Variants in MMS22L observed in about 807,000 individuals in gnomAD.
MMS22L encodes MMS22 like, DNA repair protein.
MMS22L carries 74 observed loss-of-function variants against 159.1 expected under a neutral mutation model. The observed-to-expected ratio is 0.47, with a 90% CI of 0.39 to 0.56. MMS22L has a LOEUF of 0.56. Among genes scored for constraint, MMS22L ranks in the 20% least tolerant of loss-of-function variants. The pLI is 0.00. For missense variants in MMS22L, 1,351 were observed against 1,422.1 expected, an observed-to-expected ratio of 0.95 and a Z score of 0.80; for synonymous variants, 517 against 506.9, an observed-to-expected ratio of 1.02 and a Z score of -0.27.
Position 97,153,639 on chromosome 6 carries a change from G to A in MMS22L, c.3386-1772C>T, listed in dbSNP as rs535057038. The stretch of plus-strand genomic sequence containing the variant: ...ACCTGCCTCAGCCTCCCAAATTGCA[G>A]GAATTACAGGCGTAAGCCACCATGC... On this transcript the variant is annotated intron_variant, in intron 22 of 24. Transcript: ENST00000683635. Among the ~76,000 whole-genome samples the A allele has an allele frequency of 7.2e-5, 11 of 152,138 alleles. No individual in the cohort carries two copies. In the South Asian group the frequency reaches 2.3e-3, roughly 32 times the overall value.
intron 14 of MMS22L, among the ~76,000 whole-genome samples, chr6:97,194,633 A>G (rs994131541): frequency 2.0e-5 from 3 of 152,196 alleles, no homozygotes; most frequent in African/African-American, 4.8e-5. Flanking sequence ...CAGTTCATAG[A>G]CTAAGTAACA....
intron 19 of MMS22L, among the ~76,000 whole-genome samples, chr6:97,170,200 A>G (rs1803386646): frequency 6.6e-6 from 1 of 152,170 alleles, no homozygotes; most frequent in African/African-American, 2.4e-5. Flanking sequence ...TGTTGAACAT[A>G]TCCCTCATGA....
intron 9 of MMS22L, chr6:97,259,650 ACTT>A (rs1814229561): frequency 6.6e-6 from 1 of 151,872 alleles, no homozygotes; most frequent in South Asian, 2.1e-4. Context: ...CAGATTCGGG[ACTT>A]CTTGGCCTCC....
At chr6:97,250,497 T>C (rs574866626) in intron 10 of MMS22L, among the ~76,000 whole-genome samples, 1 of 152,318 alleles carries the variant, frequency 6.6e-6, no homozygotes, top group South Asian at 2.1e-4. Flanking sequence ...AATTTTCCTC[T>C]TTAAACTGTA....
Position 97,224,333 on chromosome 6 carries a change from A to G in MMS22L, c.2039+4561T>C, listed in dbSNP as rs1809987675. ...GACTAACAGATACATCATAACTCAC[A>G]ATATATTTGCAAGAAATATTTTTCT... On this transcript the variant is annotated intron_variant, in intron 14 of 24. Coordinates refer to ENST00000683635, the MANE Select transcript of MMS22L (RefSeq NM_001350599.2). Among the ~76,000 whole-genome samples, 4 of 152,268 alleles carry G rather than the reference A, an allele frequency of 2.6e-5. No individual in the cohort carries two copies. In the East Asian group the frequency reaches 7.7e-4, roughly 29 times the overall value.
chr6:97,184,694 C>T (rs983425120), intron 15 of MMS22L, among the ~76,000 whole-genome samples: 5 of 152,078 alleles, frequency 3.3e-5, no homozygotes, highest in Non-Finnish European at 7.4e-5. Context: ...CCACTTCTCA[C>T]CACCTCTACT....
intron 18 of MMS22L, 142 bp downstream of exon 18, chr6:97,178,301 A>G (rs1804328159): frequency 1.6e-6 from 1 of 608,732 alleles, no homozygotes; most frequent in Non-Finnish European, 2.7e-6. Flanking sequence ...TTCTTCCTCC[A>G]GAACTTTATA....
At chr6:97,248,850 C>G (rs1415739093) in intron 10 of MMS22L, among the ~76,000 whole-genome samples, 1 of 149,950 alleles carries the variant, frequency 6.7e-6, no homozygotes, top group Admixed American at 6.6e-5. Context: ...CAGAGGGAGA[C>G]TTTGTCTCAA....
chr6:97,182,998 C>A (rs1363765422), intron 15 of MMS22L, among the ~76,000 whole-genome samples: 1 of 152,082 alleles, frequency 6.6e-6, no homozygotes, highest in African/African-American at 2.4e-5. Context: ...CTCTTGATTT[C>A]TTGAACTCCT....
chr6:97,238,245 C>T (rs12191393), intron 11 of MMS22L, among the ~76,000 whole-genome samples: 99,127 of 152,054 alleles, frequency 0.65, 33,672 homozygotes, highest in Non-Finnish European at 0.76. Flanking sequence ...AGTGCTTGCA[C>T]AGGGATAGCT....
chr6:97,159,231 G>A (rs1283200925), intron 22 of MMS22L, among the ~76,000 whole-genome samples: 7 of 150,800 alleles, frequency 4.6e-5, no homozygotes, highest in Non-Finnish European at 7.4e-5. Context: ...ACTGCACATT[G>A]ATAAATCTTG....
At position 97,179,504 on chromosome 6, in the gene MMS22L, C is replaced by T. The variant is rs73758125; in HGVS notation, c.2440G>A (p.Val814Ile). Residue 814 changes from valine to isoleucine, a missense_variant, in exon 17 of 25, where the codon GTA becomes ATA. Physicochemically the swap from Val to Ile is conservative, Grantham distance 29. Transcript: ENST00000683635. ...AAAACACAACGAATCCATGATCTTA[C>T]GGTTAAGGCTTGAAAAGATACATAG... is the stretch of plus-strand genomic sequence containing the variant. The part of the protein sequence containing the change: ...SGYVSFQALT[V>I]RSWIRCVLQM... 1.7e-4 allele frequency: 276 copies of T among 1,613,042 alleles called. 1 individual carries two copies. In the African/African-American group the frequency reaches 3.4e-3, roughly 20 times the overall value.
At chr6:97,262,564 G>T (rs1282523156) in intron 9 of MMS22L, among the ~76,000 whole-genome samples, 2 of 149,562 alleles carry the variant, frequency 1.3e-5, no homozygotes, top group East Asian at 4.0e-4. Context: ...AGAATTGCTT[G>T]AACTGGGAGG....
chr6:97,181,735 CTTACTA>C (rs893702566), intron 16 of MMS22L, among the ~76,000 whole-genome samples, 163 bp downstream of exon 16: 2 of 151,768 alleles, frequency 1.3e-5, no homozygotes, highest in Non-Finnish European at 2.9e-5. Flanking sequence ...AGTTAGTGTT[CTTACTA>C]TTACTACTGT....
intron 14 of MMS22L, among the ~76,000 whole-genome samples, chr6:97,225,170 A>T (rs534544474): frequency 6.6e-6 from 1 of 152,190 alleles, no homozygotes; most frequent in African/African-American, 2.4e-5. Flanking sequence ...ATTTTTAAAG[A>T]ATTACATACC....
chr6:97,264,464 C>T (rs955365217), intron 8 of MMS22L: 3 of 151,172 alleles, frequency 2.0e-5, no homozygotes, highest in Non-Finnish European at 2.9e-5. Context: ...ATAATGTATG[C>T]AATATTTTAC....
chr6:97,283,289 C>T (rs1240017743), upstream of MMS22L: 1 of 152,206 alleles, frequency 6.6e-6, no homozygotes, highest in Non-Finnish European at 1.5e-5. Context: ...GTCGGAGCCC[C>T]ACGAATTCTC....
chr6:97,261,383 TTCC>T (rs1459676027), intron 9 of MMS22L: 2 of 152,836 alleles, frequency 1.3e-5, no homozygotes, highest in Non-Finnish European at 2.9e-5. Flanking sequence ...CCTCCTCTTC[TTCC>T]TCCTCCTCCT....
chr6:97,214,691 T>C (rs539148491), intron 14 of MMS22L, among the ~76,000 whole-genome samples: 1 of 150,332 alleles, frequency 6.7e-6, no homozygotes, highest in East Asian at 1.9e-4. Flanking sequence ...TTTTGTTTTT[T>C]TTTTTTTTTC....
Sources: gnomAD v4.1 joint callset for allele counts (sites outside exome capture counted in the v4.1 genomes callset) on GRCh38, gnomAD v4.1.1 for gene constraint, MANE v1.5 for transcripts, NCBI Gene and HGNC (gene_info 2026-07-23, HGNC 2026-07-21) for gene names.